Variants in CAST observed in about 807,000 individuals in gnomAD.
CAST encodes calpastatin, also known as MIR583 host.
A neutral mutation model predicts 119.6 loss-of-function variants in CAST; 76 were observed. That is an observed-to-expected ratio of 0.64 (90% CI 0.53 to 0.77). The LOEUF (loss-of-function observed/expected upper bound fraction) is 0.77. CAST is among the 30% of genes least tolerant of loss of function. The probability of loss-of-function intolerance (pLI) is 0.00; values close to 1 mark genes in which losing one functional copy is unlikely to be tolerated. For synonymous variants in CAST, 319 were observed against 331.6 expected (o/e 0.96, Z 0.41); for missense variants, 953 against 946.5 (o/e 1.01, Z -0.09).
chr5:96,027,876 G>A, the CAST span, among the ~76,000 whole-genome samples: 14 of 152,098 alleles, frequency 9.2e-5, no homozygotes, highest in South Asian at 1.0e-3. Flanking sequence ...AAGCAACTGC[G>A]ACCTGCCTGT....
At chr5:96,404,711 G>T in the CAST span, among the ~76,000 whole-genome samples, 6 of 152,250 alleles carry the variant, frequency 3.9e-5, no homozygotes, top group South Asian at 2.1e-4. Flanking sequence ...TGCAAGGTGT[G>T]GTTGCTGATA....
the CAST span, among the ~76,000 whole-genome samples, chr5:96,185,457 T>C: frequency 6.6e-6 from 1 of 152,226 alleles, no homozygotes; most frequent in African/African-American, 2.4e-5. Flanking sequence ...GCCTAGATTT[T>C]CTTCAAGGGT....
the CAST span, among the ~76,000 whole-genome samples, chr5:96,418,531 T>G: frequency 6.6e-6 from 1 of 152,210 alleles, no homozygotes; most frequent in Admixed American, 6.5e-5. Flanking sequence ...CTCTTTTGAC[T>G]TTCAGAGTAG....
chr5:96,410,519 G>A, the CAST span, among the ~76,000 whole-genome samples: 1 of 151,992 alleles, frequency 6.6e-6, no homozygotes, highest in Non-Finnish European at 1.5e-5. Context: ...TGTGTGTAAT[G>A]ACAGGTTTGG....
chr5:96,328,103 T>C, the CAST span, among the ~76,000 whole-genome samples: 63 of 152,354 alleles, frequency 4.1e-4, no homozygotes, highest in African/African-American at 1.4e-3. Flanking sequence ...GCTGCTTTCA[T>C]TCTTGTGAAG....
At chr5:96,712,343 A>C (rs1205443976) in intron 3 of CAST, among the ~76,000 whole-genome samples, 1 of 152,070 alleles carries the variant, frequency 6.6e-6, no homozygotes, top group Non-Finnish European at 1.5e-5. Context: ...TTCTTTTTTG[A>C]AACAGGCTCT....
intron 1 of CAST, among the ~76,000 whole-genome samples, chr5:96,656,947 A>C (rs563321755): frequency 3.3e-5 from 5 of 152,248 alleles, no homozygotes; most frequent in African/African-American, 4.8e-5. Context: ...TCTTAATTAA[A>C]AAAAAACACT....
chr5:96,419,573 C>A, the CAST span, among the ~76,000 whole-genome samples: 2 of 151,390 alleles, frequency 1.3e-5, no homozygotes, highest in Non-Finnish European at 2.9e-5. Flanking sequence ...TACTAAGTGG[C>A]AGATCTAAAA....
chr5:96,764,469 C>T (rs1769109566), intron 25 of CAST, among the ~76,000 whole-genome samples: 1 of 152,166 alleles, frequency 6.6e-6, no homozygotes, highest in African/African-American at 2.4e-5. Flanking sequence ...TCTGCAATTT[C>T]ACTTCCATGA....
At chr5:96,443,410 A>G in the CAST span, among the ~76,000 whole-genome samples, 1 of 152,342 alleles carries the variant, frequency 6.6e-6, no homozygotes, top group African/African-American at 2.4e-5. Context: ...AACAGTTTCT[A>G]CATCCTGCCC....
the CAST span, among the ~76,000 whole-genome samples, chr5:96,449,551 G>C: frequency 2.4e-4 from 37 of 152,270 alleles, no homozygotes; most frequent in African/African-American, 8.4e-4. Flanking sequence ...TACATGATTA[G>C]GCTATGTAAA....
At chr5:96,610,580 T>G (rs1747342688) in intron 1 of CAST, among the ~76,000 whole-genome samples, 1 of 152,138 alleles carries the variant, frequency 6.6e-6, no homozygotes, top group African/African-American at 2.4e-5. Flanking sequence ...TGGACCAAAG[T>G]TGAAAACATT....
chr5:96,078,852 G>A, the CAST span, among the ~76,000 whole-genome samples: 2 of 152,026 alleles, frequency 1.3e-5, no homozygotes, highest in African/African-American at 2.4e-5. Flanking sequence ...ACCAAGTATT[G>A]CATGTTCTCA....
chr5:96,646,810 A>T (rs6862521), intron 1 of CAST, among the ~76,000 whole-genome samples: 2 of 152,004 alleles, frequency 1.3e-5, no homozygotes, highest in African/African-American at 4.8e-5. Flanking sequence ...AATCAAGTGC[A>T]TGTATAATGT....
At chr5:96,429,774 G>A in the CAST span, among the ~76,000 whole-genome samples, 1 of 152,136 alleles carries the variant, frequency 6.6e-6, no homozygotes, top group Non-Finnish European at 1.5e-5. Flanking sequence ...CATTCTTCAT[G>A]AAGAAGGCAC....
the CAST span, among the ~76,000 whole-genome samples, chr5:96,037,110 A>G: frequency 2.6e-5 from 4 of 152,002 alleles, no homozygotes; most frequent in African/African-American, 7.2e-5. Flanking sequence ...TTTCCCCACA[A>G]TCCCCACCAC....
the CAST span, among the ~76,000 whole-genome samples, chr5:96,241,070 T>C: frequency 0.023 from 3,545 of 152,168 alleles, 125 homozygotes; most frequent in African/African-American, 0.081. Flanking sequence ...TTTAAATTTA[T>C]TATTATTATA....
intron 1 of CAST, among the ~76,000 whole-genome samples, chr5:96,643,931 C>T (rs896164606): frequency 6.6e-5 from 10 of 152,018 alleles, no homozygotes; most frequent in African/African-American, 2.4e-4. Context: ...CACCTGTAAT[C>T]CCATCTACTC....
At chr5:96,373,657 C>T in the CAST span, among the ~76,000 whole-genome samples, 1 of 152,152 alleles carries the variant, frequency 6.6e-6, no homozygotes, top group South Asian at 2.1e-4. Context: ...ACAATAGAAT[C>T]GTAATGCTTA....
Sources: allele counts gnomAD v4.1 joint callset (sites outside exome capture counted in the v4.1 genomes callset), GRCh38; gene constraint gnomAD v4.1.1; transcripts MANE v1.5; gene names NCBI Gene and HGNC (gene_info 2026-07-23, HGNC 2026-07-21).